Variants in VSIG1 observed in about 807,000 individuals in gnomAD.
VSIG1 encodes the protein V-set and immunoglobulin domain-containing protein 1.
Under a neutral mutation model 20.1 loss-of-function variants are expected in VSIG1, and 11 were observed. The observed-to-expected ratio is 0.55, with a 90% CI of 0.34 to 0.91. The LOEUF (loss-of-function observed/expected upper bound fraction) is 0.91. Ranked by LOEUF, VSIG1 falls within the 40% of genes least tolerant of loss-of-function variation. The probability of loss-of-function intolerance (pLI) is 0.02; values close to 1 mark genes in which losing one functional copy is unlikely to be tolerated. For missense variants in VSIG1, 283 were observed against 298.8 expected, an observed-to-expected ratio of 0.95 and a Z score of 0.39; for synonymous variants, 126 against 116.7, an observed-to-expected ratio of 1.08 and a Z score of -0.52.
intron 6 of VSIG1, among the ~76,000 whole-genome samples, chrX:108,076,419 G>A (rs1216751037): frequency 8.9e-6 from 1 of 112,145 alleles, no homozygotes; most frequent in Non-Finnish European, 1.9e-5. Context: ...AGCACTTTAT[G>A]TACATCAACT....
intron 2 of VSIG1, among the ~76,000 whole-genome samples, chrX:108,064,321 A>G (rs1449546823): frequency 9.0e-6 from 1 of 111,256 alleles, no homozygotes; most frequent in Non-Finnish European, 1.9e-5. Flanking sequence ...TGTCTCTAAT[A>G]CCTTTTAGTG....
At chrX:108,024,796 T>C in the VSIG1 span, among the ~76,000 whole-genome samples, 1 of 111,785 alleles carries the variant, frequency 8.9e-6, no homozygotes, top group Admixed American at 9.5e-5. Flanking sequence ...TTTAATTCCA[T>C]TGTGGCCAAG....
chrX:108,053,664 G>A (rs6622289), intron 1 of VSIG1, among the ~76,000 whole-genome samples: 23,741 of 110,644 alleles, frequency 0.21, 2,219 homozygotes, highest in East Asian at 0.56. Context: ...TATTGAATGC[G>A]AATACCACTA....
chrX:108,052,508 C>T (rs1190976462), intron 1 of VSIG1, among the ~76,000 whole-genome samples: 2 of 110,481 alleles, frequency 1.8e-5, no homozygotes, highest in Non-Finnish European at 3.8e-5. Flanking sequence ...CCTAGCTACT[C>T]GGGATGCTGA....
At chrX:108,041,104 C>A (rs767258518), upstream of VSIG1, among the ~76,000 whole-genome samples, 3 of 107,133 alleles carry the variant, frequency 2.8e-5, no homozygotes, top group Admixed American at 1.0e-4. Context: ...TCTGAAAGTT[C>A]CCAAGGAAGA....
At chrX:108,025,599 T>A in the VSIG1 span, among the ~76,000 whole-genome samples, 1 of 112,920 alleles carries the variant, frequency 8.9e-6, no homozygotes, top group South Asian at 3.6e-4. Context: ...AGATAGATAT[T>A]TCAAGCTGTA....
the VSIG1 span, among the ~76,000 whole-genome samples, chrX:108,034,980 A>G: frequency 8.9e-6 from 1 of 112,306 alleles, no homozygotes; most frequent in African/African-American, 3.2e-5. Context: ...ACACACACCC[A>G]GACCTTTTGT....
chrX:108,069,101 CTT>C (rs1180733247), intron 3 of VSIG1, among the ~76,000 whole-genome samples: 1 of 111,805 alleles, frequency 8.9e-6, no homozygotes, highest in Non-Finnish European at 1.9e-5. Context: ...AGCCAAGTCT[CTT>C]CATCTCAGAG....
intron 2 of VSIG1, chrX:108,061,299 T>C (rs1317250373): frequency 8.9e-5 from 40 of 451,130 alleles, no homozygotes; most frequent in Non-Finnish European, 1.3e-4. Context: ...AATTATGTGA[T>C]TTATGGGACT....
intron 2 of VSIG1, 147 bp downstream of exon 2, chrX:108,058,348 A>G (rs1040414240): frequency 1.9e-6 from 1 of 526,094 alleles, no homozygotes; most frequent in Non-Finnish European, 3.0e-6. Flanking sequence ...AGACAGCTGT[A>G]TAGAGAAGAT....
At chrX:108,056,057 T>C (rs2030890825) in intron 1 of VSIG1, among the ~76,000 whole-genome samples, 1 of 111,668 alleles carries the variant, frequency 9.0e-6, no homozygotes, top group Admixed American at 9.5e-5. Flanking sequence ...TGTGAGTCTC[T>C]GTGTTAAGCC....
chrX:108,072,328 C>T (rs1028503738), intron 3 of VSIG1, among the ~76,000 whole-genome samples: 2 of 111,267 alleles, frequency 1.8e-5, no homozygotes, highest in African/African-American at 6.5e-5. Context: ...TCTTGGCTTA[C>T]TGCAACCTCT....
At chrX:108,068,226 A>T (rs1298443275) in intron 3 of VSIG1, among the ~76,000 whole-genome samples, 1 of 111,623 alleles carries the variant, frequency 9.0e-6, no homozygotes, top group Non-Finnish European at 1.9e-5. Context: ...GGTACCTAAG[A>T]GCTATTTTTT....
rs769215635 is a variant in VSIG1 at position 108,079,180 on chromosome X, G to A, written c.*1799G>A. The A allele has an allele frequency of 1.1e-4, 12 of 112,188 alleles. No individual in the cohort carries two copies. Among genetic ancestry groups the A allele is most frequent in the Non-Finnish European group, 1.9e-5 (1 of 53,254 alleles). The allele number at this position is 112,188 out of a possible 1,213,427, so 9.2% of individuals were successfully genotyped here. ...ATGTATAATAAACCAGACATTTAAA[G>A]TGTACAATTTGATGAGTTTTGACAG... On this transcript the variant is annotated 3_prime_UTR_variant, in exon 7 of 7. Coordinates refer to ENST00000217957, the MANE Select transcript of VSIG1 (RefSeq NM_182607.5).
the VSIG1 span, among the ~76,000 whole-genome samples, chrX:108,021,622 A>G: frequency 8.9e-6 from 1 of 112,446 alleles, no homozygotes; most frequent in Non-Finnish European, 1.9e-5. Flanking sequence ...TTAGGAAAAC[A>G]TTGCCTAATC....
the VSIG1 span, among the ~76,000 whole-genome samples, chrX:108,034,897 C>A: frequency 9.9e-5 from 11 of 111,169 alleles, no homozygotes; most frequent in African/African-American, 2.0e-4. Context: ...CCAAAGACAG[C>A]GGAAACAAAG....
At chrX:108,043,520 T>A (rs1438740965), upstream of VSIG1, among the ~76,000 whole-genome samples, 1 of 111,935 alleles carries the variant, frequency 8.9e-6, no homozygotes, top group East Asian at 2.8e-4. Context: ...TTAAGTAAAA[T>A]GGAAATTTAT....
At chrX:108,022,447 G>T in the VSIG1 span, among the ~76,000 whole-genome samples, 2 of 111,750 alleles carry the variant, frequency 1.8e-5, no homozygotes, top group African/African-American at 6.5e-5. Context: ...TTGTTTATTT[G>T]TGGATATTTC....
chrX:108,043,704 G>A (rs903583471), upstream of VSIG1, among the ~76,000 whole-genome samples: 1 of 111,791 alleles, frequency 8.9e-6, no homozygotes, highest in African/African-American at 3.3e-5. Context: ...CTGCAAGGAG[G>A]AATCAGGCAT....
Sources: allele counts gnomAD v4.1 joint callset (sites outside exome capture counted in the v4.1 genomes callset), GRCh38; gene constraint gnomAD v4.1.1; transcripts MANE v1.5; gene names NCBI Gene and HGNC (gene_info 2026-07-23, HGNC 2026-07-21).